Variants in NRG3 observed in about 807,000 individuals in gnomAD.
NRG3 encodes pro-neuregulin-3, membrane-bound isoform.
A neutral mutation model predicts 66.9 loss-of-function variants in NRG3; 31 were observed. The observed-to-expected ratio is 0.46, with a 90% CI of 0.35 to 0.63. The LOEUF (loss-of-function observed/expected upper bound fraction) is 0.63, where lower values mean the gene tolerates loss of function less well. Among genes scored for constraint, NRG3 ranks in the 20% least tolerant of loss-of-function variants. The pLI, the probability that NRG3 is intolerant of heterozygous loss-of-function variation, is 0.00. For synonymous variants in NRG3, 393 were observed against 359.4 expected (o/e 1.09, Z -1.06); for missense variants, 910 against 878.9 (o/e 1.04, Z -0.45).
chr10:82,451,738 A>G (rs771659097), intron 2 of NRG3, among the ~76,000 whole-genome samples: 1 of 151,996 alleles, frequency 6.6e-6, no homozygotes, highest in South Asian at 2.1e-4. Context: ...ATGATTTCTC[A>G]TTTGGGTTTC....
intron 2 of NRG3, among the ~76,000 whole-genome samples, chr10:82,528,337 A>G (rs775815324): frequency 3.9e-5 from 6 of 152,170 alleles, no homozygotes; most frequent in Non-Finnish European, 7.3e-5. Flanking sequence ...GGAAGTTTTG[A>G]TCAGATGAAT....
At chr10:82,350,173 A>G (rs758995782) in intron 1 of NRG3, among the ~76,000 whole-genome samples, 13 of 152,252 alleles carry the variant, frequency 8.5e-5, no homozygotes, top group Non-Finnish European at 1.8e-4. Flanking sequence ...TCACAAAAGT[A>G]TAGATATGTT....
chr10:82,178,113 A>G (rs2073167751), intron 1 of NRG3, among the ~76,000 whole-genome samples: 1 of 152,218 alleles, frequency 6.6e-6, no homozygotes, highest in African/African-American at 2.4e-5. Flanking sequence ...TGTAGAAAAT[A>G]AAAATAAAAC....
chr10:82,290,704 GGCTCACTGCAACCTCC>G (rs2079679952), intron 1 of NRG3, among the ~76,000 whole-genome samples: 1 of 151,286 alleles, frequency 6.6e-6, no homozygotes, highest in African/African-American at 2.4e-5. Context: ...GCGCGATCTC[GGCTCACTGCAACCTCC>G]GCCTCCTGGG....
At chr10:82,251,810 C>T (rs2077502227) in intron 1 of NRG3, among the ~76,000 whole-genome samples, 1 of 152,134 alleles carries the variant, frequency 6.6e-6, no homozygotes, top group African/African-American at 2.4e-5. Context: ...CAATTAACTC[C>T]AATCACTGCA....
At chr10:82,159,720 A>C (rs2071438334) in intron 1 of NRG3, among the ~76,000 whole-genome samples, 1 of 151,950 alleles carries the variant, frequency 6.6e-6, no homozygotes, top group Non-Finnish European at 1.5e-5. Context: ...TGCTCAGTCA[A>C]CTTTGTTGAG....
At chr10:82,570,960 T>C (rs979115342) in intron 2 of NRG3, among the ~76,000 whole-genome samples, 1 of 151,720 alleles carries the variant, frequency 6.6e-6, no homozygotes, top group Non-Finnish European at 1.5e-5. Flanking sequence ...TTTTCAACTA[T>C]AAATTCCCCT....
intron 6 of NRG3, among the ~76,000 whole-genome samples, chr10:82,971,018 T>C (rs1261293718): frequency 6.6e-6 from 1 of 152,160 alleles, no homozygotes; most frequent in Non-Finnish European, 1.5e-5. Flanking sequence ...TCAGGAGGCT[T>C]CTGCTCATGG....
intron 2 of NRG3, among the ~76,000 whole-genome samples, chr10:82,600,328 A>G (rs1339398826): frequency 6.6e-6 from 1 of 152,022 alleles, no homozygotes; most frequent in Non-Finnish European, 1.5e-5. Context: ...ATAAATTCTG[A>G]AAAAAAATGT....
intron 1 of NRG3, among the ~76,000 whole-genome samples, chr10:82,049,556 C>T (rs2063487927): frequency 6.6e-6 from 1 of 150,476 alleles, no homozygotes; most frequent in South Asian, 2.1e-4. Context: ...GATAACTGTT[C>T]CCCAAGACTT....
At chr10:82,490,310 A>G (rs1168710746) in intron 2 of NRG3, among the ~76,000 whole-genome samples, 3 of 152,084 alleles carry the variant, frequency 2.0e-5, no homozygotes, top group Non-Finnish European at 4.4e-5. Flanking sequence ...TCATGCTCAT[A>G]CAGAAGTCAT....
At chr10:82,356,620 G>C (rs2083801820) in intron 1 of NRG3, among the ~76,000 whole-genome samples, 1 of 152,158 alleles carries the variant, frequency 6.6e-6, no homozygotes, top group Non-Finnish European at 1.5e-5. Flanking sequence ...GTATTAACAA[G>C]CAGATATTTT....
At chr10:82,033,787 A>T (rs7076004) in intron 1 of NRG3, among the ~76,000 whole-genome samples, 67,948 of 151,924 alleles carry the variant, frequency 0.45, 16,946 homozygotes, top group South Asian at 0.65. Context: ...ACTAAATTAA[A>T]CTCTATGCTT....
At chr10:82,742,564 T>C (rs558143655) in intron 3 of NRG3, among the ~76,000 whole-genome samples, 1 of 152,234 alleles carries the variant, frequency 6.6e-6, no homozygotes, top group South Asian at 2.1e-4. Flanking sequence ...CGCATTCAGA[T>C]CATGAGGCTG....
intron 7 of NRG3, among the ~76,000 whole-genome samples, 194 bp from the exon 8 acceptor site, chr10:82,978,756 C>T (rs1852549384): frequency 6.6e-6 from 1 of 152,146 alleles, no homozygotes; most frequent in African/African-American, 2.4e-5. Context: ...TCAGTGTCTC[C>T]AAAGGTAAAA....
At chr10:81,996,005 AT>A (rs751990530) in intron 1 of NRG3, among the ~76,000 whole-genome samples, 2 of 151,820 alleles carry the variant, frequency 1.3e-5, no homozygotes, top group Admixed American at 6.6e-5. Flanking sequence ...CAGCTCTGGA[AT>A]TTTTTTTTCT....
intron 1 of NRG3, among the ~76,000 whole-genome samples, chr10:82,245,029 C>T (rs147202459): frequency 1.2e-3 from 186 of 152,182 alleles, no homozygotes; most frequent in African/African-American, 4.3e-3. Context: ...CGCACCCAGC[C>T]AGTGCATTAC....
In NRG3 at chr10:82,985,395, G is replaced by A; in HGVS notation, c.1881G>A (p.Val627=). The A allele has an allele frequency of 1.9e-6, 3 of 1,614,142 alleles. No individual in the cohort carries two copies. The highest frequency in any genetic ancestry group is 2.5e-6 in the Non-Finnish European group (3 of 1,179,994). ...SDCLIAEQQE[V]KILLETVQEQ... ...GTCTTATAGCAGAACAACAAGAAGT[G>A]AAAATATTGCTAGAAACTGTCCAGG... Residue 627 remains valine (V), a synonymous_variant, in exon 9 of 9, where the codon GTG becomes GTA. Coordinates refer to ENST00000372141, the MANE Select transcript of NRG3 (RefSeq NM_001010848.4).
At chr10:82,493,984 CA>C (rs34155228) in intron 2 of NRG3, among the ~76,000 whole-genome samples, 2 of 152,174 alleles carry the variant, frequency 1.3e-5, no homozygotes, top group South Asian at 4.1e-4. Context: ...AAACATATGA[CA>C]AAAAGTTCAA....
Sources: allele counts gnomAD v4.1 joint callset (sites outside exome capture counted in the v4.1 genomes callset), GRCh38; gene constraint gnomAD v4.1.1; transcripts MANE v1.5; gene names NCBI Gene and HGNC (gene_info 2026-07-23, HGNC 2026-07-21).